GBE1: variants seen among roughly 807,000 people sequenced by gnomAD.
The protein encoded by GBE1 is 1,4-alpha-glucan-branching enzyme.
A neutral mutation model predicts 88.8 loss-of-function variants in GBE1; 70 were observed. That is an observed-to-expected ratio of 0.79 (90% confidence interval 0.65 to 0.96). The LOEUF is 0.96. GBE1 is among the 40% of genes least tolerant of loss of function. The probability of loss-of-function intolerance (pLI) is 0.00; values close to 1 mark genes in which losing one functional copy is unlikely to be tolerated. For missense variants in GBE1, 872 were observed against 871.0 expected, an observed-to-expected ratio of 1.00 and a Z score of -0.01; for synonymous variants, 284 against 300.1, an observed-to-expected ratio of 0.95 and a Z score of 0.56.
intron 1 of GBE1, among the ~76,000 whole-genome samples, chr3:81,724,034 C>A (rs1300432834): frequency 1.3e-5 from 2 of 152,096 alleles, no homozygotes; most frequent in African/African-American, 2.4e-5. Context: ...CTTTAACTTG[C>A]TACTAGAATC....
At chr3:81,673,303 A>C (rs937792325) in intron 2 of GBE1, among the ~76,000 whole-genome samples, 14 of 151,876 alleles carry the variant, frequency 9.2e-5, no homozygotes, top group Non-Finnish European at 1.9e-4. Flanking sequence ...ATAGTTCGTT[A>C]GTTCATTCAT....
intron 1 of GBE1, among the ~76,000 whole-genome samples, chr3:81,730,132 C>A (rs568503416): frequency 3.3e-5 from 5 of 152,172 alleles, no homozygotes; most frequent in Middle Eastern, 3.4e-3. Flanking sequence ...AGAGGGCATA[C>A]TATATAGATG....
intron 8 of GBE1, among the ~76,000 whole-genome samples, chr3:81,592,576 G>A (rs908473363): frequency 6.6e-6 from 1 of 151,944 alleles, no homozygotes; most frequent in African/African-American, 2.4e-5. Flanking sequence ...CAGGGATTTT[G>A]TTTGTTGCTT....
chr3:81,657,130 G>A (rs541532537), intron 3 of GBE1, among the ~76,000 whole-genome samples: 8 of 127,070 alleles, frequency 6.3e-5, no homozygotes, highest in East Asian at 4.5e-4. Flanking sequence ...CACTCCAGCC[G>A]TCTCAAAAAA....
intron 2 of GBE1, among the ~76,000 whole-genome samples, chr3:81,686,473 C>G (rs1270151040): frequency 2.0e-5 from 3 of 151,956 alleles, no homozygotes; most frequent in Admixed American, 6.6e-5. Flanking sequence ...TTTAAAGACA[C>G]TGGCCGGGCG....
chr3:81,597,430 T>C (rs1371715785), intron 7 of GBE1, among the ~76,000 whole-genome samples: 3 of 147,416 alleles, frequency 2.0e-5, no homozygotes, highest in African/African-American at 7.4e-5. Flanking sequence ...GTCAAATATA[T>C]ATATATATCT....
At chr3:81,527,036 A>G (rs1317757258) in intron 14 of GBE1, among the ~76,000 whole-genome samples, 2 of 152,094 alleles carry the variant, frequency 1.3e-5, no homozygotes, top group East Asian at 3.9e-4. Context: ...AGACCAATGG[A>G]ACAGAACAGA....
At chr3:81,653,866 T>C (rs1183886009) in intron 3 of GBE1, among the ~76,000 whole-genome samples, 1 of 152,190 alleles carries the variant, frequency 6.6e-6, no homozygotes, top group Non-Finnish European at 1.5e-5. Flanking sequence ...GTTTTGATAT[T>C]ATCACTTCAT....
intron 7 of GBE1, among the ~76,000 whole-genome samples, chr3:81,630,255 A>AG (rs1704487937): frequency 6.6e-6 from 1 of 152,158 alleles, no homozygotes; most frequent in Non-Finnish European, 1.5e-5. Flanking sequence ...ACCACTACTC[A>AG]ATGAAATAAA....
chr3:81,750,645 G>GTGTA lies in GBE1; in HGVS notation c.143+10729_143+10730insTACA, dbSNP rs1262682549. Reference sequence around the variant, plus strand: ...TATATATATACGTATATATATATATGTATATATATATATGTATATATATAT... The same window carrying GTGTA: ...TATATATATACGTATATATATATATGTGTATATATATATATATGTATATATATAT... On this transcript the variant is annotated intron_variant, in intron 1 of 15. Coordinates refer to ENST00000429644, the MANE Select transcript of GBE1 (RefSeq NM_000158.4). Among the ~76,000 whole-genome samples, 351 of 47,668 alleles carry GTGTA rather than the reference G, an allele frequency of 7.4e-3. 38 individuals carry two copies. The highest frequency in any genetic ancestry group is 0.045 in the East Asian group (24 of 536). The allele number at this position is 47,668 out of a possible 152,430, so 31.3% of individuals were successfully genotyped here.
intron 12 of GBE1, among the ~76,000 whole-genome samples, chr3:81,573,541 A>C (rs1213127222): frequency 6.6e-6 from 1 of 152,188 alleles, no homozygotes; most frequent in Non-Finnish European, 1.5e-5. Flanking sequence ...TTTGGGTTTT[A>C]AGGCCTTGAG....
At chr3:81,660,174 A>G (rs1576189366) in intron 3 of GBE1, among the ~76,000 whole-genome samples, 1 of 152,326 alleles carries the variant, frequency 6.6e-6, no homozygotes, top group East Asian at 1.9e-4. Flanking sequence ...TTTCTTGTCA[A>G]TTGATTTTTT....
chr3:81,526,391 A>G (rs1412967797), intron 14 of GBE1, among the ~76,000 whole-genome samples: 1 of 152,130 alleles, frequency 6.6e-6, no homozygotes, highest in Non-Finnish European at 1.5e-5. Flanking sequence ...CAGGAGAAAG[A>G]AATAAAGGGT....
intron 1 of GBE1, among the ~76,000 whole-genome samples, chr3:81,708,747 T>C (rs1705811512): frequency 6.6e-6 from 1 of 152,106 alleles, no homozygotes; most frequent in Non-Finnish European, 1.5e-5. Context: ...TACAAAACCA[T>C]GGAAAATAAC....
intron 10 of GBE1, among the ~76,000 whole-genome samples, chr3:81,584,314 G>T (rs1309355905): frequency 1.3e-5 from 2 of 151,928 alleles, no homozygotes; most frequent in Non-Finnish European, 2.9e-5. Flanking sequence ...ATACTGTATG[G>T]GTAGACAACA....
At chr3:81,751,319 G>C (rs889017943) in intron 1 of GBE1, among the ~76,000 whole-genome samples, 1 of 152,194 alleles carries the variant, frequency 6.6e-6, no homozygotes, top group South Asian at 2.1e-4. Context: ...GCCAGATGTA[G>C]TTTCCTCTTT....
intron 3 of GBE1, among the ~76,000 whole-genome samples, chr3:81,653,974 T>C (rs1704891899): frequency 6.6e-6 from 1 of 152,188 alleles, no homozygotes; most frequent in Non-Finnish European, 1.5e-5. Context: ...CAGAGTGTGC[T>C]ACTTAAGGTG....
intron 14 of GBE1, among the ~76,000 whole-genome samples, chr3:81,517,600 TAA>T (rs926353462): frequency 2.6e-5 from 4 of 150,988 alleles, no homozygotes; most frequent in African/African-American, 9.7e-5. Flanking sequence ...GGACATATAT[TAA>T]GTTTATAAGA....
intron 7 of GBE1, among the ~76,000 whole-genome samples, chr3:81,624,227 A>G (rs1214588408): frequency 2.0e-5 from 3 of 152,058 alleles, no homozygotes; most frequent in African/African-American, 7.2e-5. Flanking sequence ...TCTTGTGAGA[A>G]CTCACTCACT....
Sources: gnomAD v4.1 joint callset for allele counts (sites outside exome capture counted in the v4.1 genomes callset) on GRCh38, gnomAD v4.1.1 for gene constraint, MANE v1.5 for transcripts, NCBI Gene and HGNC (gene_info 2026-07-23, HGNC 2026-07-21) for gene names.